The following EIF4E3 variants were observed in gnomAD, a reference collection of about 807,000 sequenced individuals.
EIF4E3 encodes eukaryotic translation initiation factor 4E family member 3.
EIF4E3 carries 26 observed loss-of-function variants against 31.7 expected under a neutral mutation model. The observed-to-expected ratio is 0.82, with a 90% CI of 0.60 to 1.14. EIF4E3 has a LOEUF of 1.14. EIF4E3 is among the 50% of genes most tolerant of loss of function. The pLI, the probability that EIF4E3 is intolerant of heterozygous loss-of-function variation, is 0.00. For missense variants in EIF4E3, 304 were observed against 270.9 expected (o/e 1.12, Z -0.86); for synonymous variants, 128 against 107.7 (o/e 1.19, Z -1.17).
chr3:71,734,546 C>T (rs2049741534), intron 1 of EIF4E3, among the ~76,000 whole-genome samples: 1 of 152,066 alleles, frequency 6.6e-6, no homozygotes, highest in South Asian at 2.1e-4. Context: ...TGCAAAAGCA[C>T]AGTTAATGAT....
intron 1 of EIF4E3, among the ~76,000 whole-genome samples, chr3:71,719,094 G>GT (rs1319589973): frequency 6.6e-6 from 1 of 152,180 alleles, no homozygotes; most frequent in African/African-American, 2.4e-5. Flanking sequence ...CCATTGGAAT[G>GT]TATTTTGAAG....
intron 2 of EIF4E3, among the ~76,000 whole-genome samples, chr3:71,705,762 G>A (rs1169760286): frequency 6.6e-6 from 1 of 152,174 alleles, no homozygotes; most frequent in Non-Finnish European, 1.5e-5. Context: ...TTCTCCAACA[G>A]GTAAAACAGG....
intron 1 of EIF4E3, among the ~76,000 whole-genome samples, chr3:71,738,917 G>A (rs1041996828): frequency 2.3e-5 from 3 of 130,960 alleles, no homozygotes; most frequent in African/African-American, 5.9e-5. Flanking sequence ...CTTAACAAAT[G>A]TAAAATAAAT....
intron 1 of EIF4E3, among the ~76,000 whole-genome samples, chr3:71,746,748 A>AC (rs1346232063): frequency 1.3e-5 from 2 of 151,764 alleles, no homozygotes; most frequent in Non-Finnish European, 2.9e-5. Context: ...CATTTTCATC[A>AC]CCCCCCAAAA....
At chr3:71,707,396 G>A (rs1468581846) in intron 2 of EIF4E3, among the ~76,000 whole-genome samples, 1 of 152,190 alleles carries the variant, frequency 6.6e-6, no homozygotes, top group Non-Finnish European at 1.5e-5. Context: ...GTAGAATCCA[G>A]TAACACTTAA....
chr3:71,693,855 G>A lies in EIF4E3; in HGVS notation c.472+20C>T, dbSNP rs191099489. 8.8e-5 allele frequency: 135 copies of A among 1,528,318 alleles called. No individual in the cohort carries two copies. In the East Asian group the frequency reaches 1.8e-3, roughly 20 times the overall value. 94.7% of individuals were successfully genotyped at this position (1,528,318 alleles called of 1,614,324 possible). A position where few individuals can be genotyped will look rare whatever the true frequency, so the allele number is the denominator to read the frequency against. ...AGGAGCACACGAGGCAGGGCCGGCC[G>A]GAGCCGTGGGCTGCTTTACCTGCTG... On this transcript the variant is annotated intron_variant, in intron 5 of 6. Coordinates refer to ENST00000425534, the MANE Select transcript of EIF4E3 (RefSeq NM_001134651.2).
chr3:71,750,369 G>A (rs749166033), intron 1 of EIF4E3, among the ~76,000 whole-genome samples: 2 of 152,150 alleles, frequency 1.3e-5, no homozygotes, highest in Non-Finnish European at 2.9e-5. Flanking sequence ...AAAGTGGAAG[G>A]TAGTGACCTA....
chr3:71,748,196 G>A (rs941407602), intron 1 of EIF4E3, among the ~76,000 whole-genome samples: 1 of 100,274 alleles, frequency 1.0e-5, no homozygotes, highest in South Asian at 4.5e-4. Context: ...GCATGGGTTG[G>A]TTTATATGTG....
downstream of EIF4E3, among the ~76,000 whole-genome samples, chr3:71,673,994 T>C (rs2048859542): frequency 6.9e-6 from 1 of 145,256 alleles, no homozygotes; most frequent in East Asian, 2.0e-4. Flanking sequence ...GTCCCCTCAG[T>C]GACAAGTTTG....
At chr3:71,714,242 AAAGGAAGG>A (rs751022382) in intron 1 of EIF4E3, among the ~76,000 whole-genome samples, 76 of 132,008 alleles carry the variant, frequency 5.8e-4, no homozygotes, top group African/African-American at 2.1e-3. Flanking sequence ...GGGAAGAAGG[AAAGGAAGG>A]AAGGAAGGAA....
chr3:71,748,771 A>C (rs566521178), intron 1 of EIF4E3, among the ~76,000 whole-genome samples: 7 of 152,328 alleles, frequency 4.6e-5, no homozygotes, highest in African/African-American at 1.7e-4. Flanking sequence ...GCCTGAAATT[A>C]CAGTATATTC....
At chr3:71,740,913 G>A (rs2049813967) in intron 1 of EIF4E3, among the ~76,000 whole-genome samples, 1 of 152,076 alleles carries the variant, frequency 6.6e-6, no homozygotes, top group African/African-American at 2.4e-5. Flanking sequence ...GAGGTGGGTG[G>A]ATCACAACGT....
chr3:71,739,984 A>C (rs2049803517), intron 1 of EIF4E3, among the ~76,000 whole-genome samples: 1 of 152,198 alleles, frequency 6.6e-6, no homozygotes, highest in African/African-American at 2.4e-5. Flanking sequence ...GTAAATTGTT[A>C]TAGTGTATGT....
intron 2 of EIF4E3, among the ~76,000 whole-genome samples, chr3:71,701,476 GTAGGTCATAGAATTAC>G (rs2049215772): frequency 1.3e-5 from 2 of 152,204 alleles, no homozygotes; most frequent in Non-Finnish European, 2.9e-5. Flanking sequence ...TTTGTTTGGA[GTAGGTCATAGAATTAC>G]TACGCTATGA....
intron 5 of EIF4E3, among the ~76,000 whole-genome samples, chr3:71,692,888 C>A (rs1404666913): frequency 6.6e-6 from 1 of 152,158 alleles, no homozygotes; most frequent in African/African-American, 2.4e-5. Context: ...GGCCACCACG[C>A]CCAGCGCAGG....
At chr3:71,692,180 GC>G (rs1178198366) in intron 5 of EIF4E3, among the ~76,000 whole-genome samples, 1 of 152,148 alleles carries the variant, frequency 6.6e-6, no homozygotes, top group African/African-American at 2.4e-5. Context: ...GAATCAACCA[GC>G]AAAACCTTGA....
chr3:71,705,795 AT>A lies in EIF4E3; in HGVS notation c.249+4616del, dbSNP rs1046968174. On this transcript the variant is annotated intron_variant, in intron 2 of 6. Coordinates refer to ENST00000425534, the MANE Select transcript of EIF4E3 (RefSeq NM_001134651.2). ...AGGGCTTGTTCAAAAGCCGTGTTCT[AT>A]TTTTTTTTCTCCCAGAGATGTGGGT... Among the ~76,000 whole-genome samples, 10 of 151,358 alleles carry A rather than the reference AT, an allele frequency of 6.6e-5. No individual in the cohort carries two copies. The East Asian group carries it at 1.2e-3, about 18-fold the overall frequency.
intron 1 of EIF4E3, among the ~76,000 whole-genome samples, chr3:71,743,702 T>C (rs1226123580): frequency 6.6e-6 from 1 of 152,168 alleles, no homozygotes; most frequent in African/African-American, 2.4e-5. Context: ...TAATGCTCCC[T>C]GATTTTAAGG....
chr3:71,686,228 G>A (rs182163754), intron 6 of EIF4E3, among the ~76,000 whole-genome samples: 113 of 152,120 alleles, frequency 7.4e-4, no homozygotes, highest in African/African-American at 2.2e-3. Context: ...GAGCTCAAGC[G>A]ATCCACCGGC....
Sources: allele counts gnomAD v4.1 joint callset (sites outside exome capture counted in the v4.1 genomes callset), GRCh38; gene constraint gnomAD v4.1.1; transcripts MANE v1.5; gene names NCBI Gene and HGNC (gene_info 2026-07-23, HGNC 2026-07-21).